The following ELAVL2 variants were observed in gnomAD, a reference collection of about 807,000 sequenced individuals.
The protein encoded by ELAVL2 is ELAV like RNA binding protein 2, also known as ELAV-like protein 2.
In ELAVL2, 4 loss-of-function variants were observed where a neutral mutation model predicts 34.6. That is an observed-to-expected ratio of 0.12 (90% CI 0.06 to 0.26). The LOEUF is 0.26. Among genes scored for constraint, ELAVL2 ranks in the 10% least tolerant of loss-of-function variants. The probability of loss-of-function intolerance (pLI) is 1.00; values close to 1 mark genes in which losing one functional copy is unlikely to be tolerated. For synonymous variants in ELAVL2, 193 were observed against 154.8 expected (o/e 1.25, Z -1.83); for missense variants, 432 against 442.8 (o/e 0.98, Z 0.22).
chr9:23,850,112 G>T, the ELAVL2 span, among the ~76,000 whole-genome samples: 1 of 151,692 alleles, frequency 6.6e-6, no homozygotes, highest in Admixed American at 6.6e-5. Context: ...CCGGGGAGGG[G>T]GTGGGGGTGG....
the ELAVL2 span, among the ~76,000 whole-genome samples, chr9:23,845,184 A>G: frequency 6.6e-6 from 1 of 151,816 alleles, no homozygotes; most frequent in East Asian, 1.9e-4. Flanking sequence ...TAAAACTGAA[A>G]CAACTAATAA....
At chr9:23,779,424 T>G (rs2058730441) in intron 1 of ELAVL2, 1 of 985,214 alleles carries the variant, frequency 1.0e-6, no homozygotes, top group Non-Finnish European at 1.2e-6. Flanking sequence ...ATGGAAGATC[T>G]GGGAGGTGGC....
chr9:23,792,772 TTTTC>T (rs1254758603), intron 1 of ELAVL2, among the ~76,000 whole-genome samples: 3 of 152,066 alleles, frequency 2.0e-5, no homozygotes, highest in African/African-American at 7.2e-5. Context: ...TTTTTCATAT[TTTTC>T]TTTTATTTTT....
intron 5 of ELAVL2, among the ~76,000 whole-genome samples, chr9:23,700,536 T>A (rs2036824045): frequency 6.6e-6 from 1 of 152,342 alleles, no homozygotes; most frequent in East Asian, 1.9e-4. Flanking sequence ...GAGAGGTCAG[T>A]AAATTACAAC....
At position 23,691,022 on chromosome 9, in the gene ELAVL2, A is replaced by T. The variant is rs936708246; in HGVS notation, c.*1535T>A. On this transcript the variant is annotated 3_prime_UTR_variant, in exon 7 of 7. Coordinates refer to ENST00000397312, the MANE Select transcript of ELAVL2 (RefSeq NM_004432.5). ...TTGTTCAAAACCTATGGTTATACTC[A>T]TTTTTTTATACCACAAACATATTTA... 1 of 152,518 alleles carries T rather than the reference A, an allele frequency of 6.6e-6. No individual in the cohort carries two copies. The highest frequency in any genetic ancestry group is 2.4e-5 in the African/African-American group (1 of 41,438). 9.4% of individuals were successfully genotyped at this position (152,518 alleles called of 1,614,324 possible).
chr9:23,762,001 C>CT lies in ELAVL2; in HGVS notation c.229+4dup. ...AATATAAATCATCTACATAAAACTG[C>CT]TTACCTGTTATTTTGTCTCTTACAA... On this transcript the variant is annotated splice_donor_region_variant and intron_variant, in intron 2 of 6. Transcript: ENST00000397312. The CT allele has an allele frequency of 6.2e-6, 10 of 1,609,392 alleles. No homozygotes were observed. Among genetic ancestry groups the CT allele is most frequent in the Non-Finnish European group, 8.5e-6 (10 of 1,177,438 alleles).
chr9:23,825,141 G>GGT (rs2065217920), intron 1 of ELAVL2, among the ~76,000 whole-genome samples: 2 of 152,180 alleles, frequency 1.3e-5, no homozygotes, highest in African/African-American at 2.4e-5. Flanking sequence ...TTTTAAAACT[G>GGT]AATTATGATA....
At chr9:23,754,253 T>C (rs2052950700) in intron 2 of ELAVL2, among the ~76,000 whole-genome samples, 1 of 152,178 alleles carries the variant, frequency 6.6e-6, no homozygotes. Context: ...AGAAGAATAT[T>C]GTTTCATACT....
At chr9:23,757,714 T>C (rs2053911415) in intron 2 of ELAVL2, among the ~76,000 whole-genome samples, 1 of 152,046 alleles carries the variant, frequency 6.6e-6, no homozygotes, top group Non-Finnish European at 1.5e-5. Context: ...GGCTGAAGCA[T>C]ACAGCTGGGC....
At chr9:23,742,823 G>C (rs563633021) in intron 2 of ELAVL2, among the ~76,000 whole-genome samples, 120 of 152,236 alleles carry the variant, frequency 7.9e-4, no homozygotes, top group African/African-American at 2.7e-3. Context: ...TAATGAAGAG[G>C]TAGTTAATCA....
chr9:23,712,257 G>A (rs1193614496), intron 3 of ELAVL2, among the ~76,000 whole-genome samples: 8 of 148,976 alleles, frequency 5.4e-5, no homozygotes, highest in East Asian at 2.0e-4. Flanking sequence ...TCTTCATCAC[G>A]GGATTTTCCA....
intron 2 of ELAVL2, among the ~76,000 whole-genome samples, chr9:23,741,527 C>T (rs1162882067): frequency 6.6e-6 from 1 of 151,332 alleles, no homozygotes; most frequent in Non-Finnish European, 1.5e-5. Flanking sequence ...TATTCCTTCC[C>T]TCTCTAGACA....
upstream of ELAVL2, among the ~76,000 whole-genome samples, chr9:23,828,569 A>G (rs531414018): frequency 6.6e-6 from 1 of 152,306 alleles, no homozygotes; most frequent in African/African-American, 2.4e-5. Context: ...GGAAAATAGT[A>G]AACTTGTTCA....
At chr9:23,700,424 T>A (rs1008140879) in intron 5 of ELAVL2, among the ~76,000 whole-genome samples, 3 of 152,330 alleles carry the variant, frequency 2.0e-5, no homozygotes, top group African/African-American at 7.2e-5. Flanking sequence ...TGGTTTGTTA[T>A]CCCAGGATCA....
At chr9:23,817,664 G>A (rs534196189) in intron 1 of ELAVL2, among the ~76,000 whole-genome samples, 1 of 152,172 alleles carries the variant, frequency 6.6e-6, no homozygotes, top group South Asian at 2.1e-4. Context: ...TACAAGCTTA[G>A]AGATAAAAAA....
intron 1 of ELAVL2, among the ~76,000 whole-genome samples, chr9:23,797,465 C>G (rs1163384345): frequency 6.6e-6 from 1 of 152,126 alleles, no homozygotes; most frequent in Non-Finnish European, 1.5e-5. Context: ...TCAATAAAAT[C>G]CCAAAGGCCA....
chr9:23,814,071 T>C (rs558603950), intron 1 of ELAVL2, among the ~76,000 whole-genome samples: 1 of 152,126 alleles, frequency 6.6e-6, no homozygotes, highest in Non-Finnish European at 1.5e-5. Flanking sequence ...TCCAGATCTT[T>C]ATATATTACC....
At chr9:23,813,409 C>A (rs966001546) in intron 1 of ELAVL2, among the ~76,000 whole-genome samples, 3 of 144,748 alleles carry the variant, frequency 2.1e-5, no homozygotes, top group Non-Finnish European at 4.5e-5. Flanking sequence ...AGTCTCATAT[C>A]GGCTTTTTTT....
chr9:23,840,963 C>T, the ELAVL2 span, among the ~76,000 whole-genome samples: 1 of 152,104 alleles, frequency 6.6e-6, no homozygotes, highest in Non-Finnish European at 1.5e-5. Context: ...CTGACATGAC[C>T]ACCCCACAAG....
Sources: allele counts gnomAD v4.1 joint callset (sites outside exome capture counted in the v4.1 genomes callset), GRCh38; gene constraint gnomAD v4.1.1; transcripts MANE v1.5; gene names NCBI Gene and HGNC (gene_info 2026-07-23, HGNC 2026-07-21).